Variants in SDK2 observed in about 807,000 individuals in gnomAD.
The protein encoded by SDK2 is sidekick cell adhesion molecule 2, also known as protein sidekick-2.
A neutral mutation model predicts 253.9 loss-of-function variants in SDK2; 105 were observed. The ratio of observed to expected loss-of-function variants is 0.41; its 90% CI spans 0.35 to 0.49. The LOEUF (loss-of-function observed/expected upper bound fraction) is 0.49, where lower values mean the gene tolerates loss of function less well. Ranked by LOEUF, SDK2 falls within the 20% of genes least tolerant of loss-of-function variation. The pLI is 0.06. For synonymous variants in SDK2, 1,249 were observed against 1,234.9 expected (o/e 1.01, Z -0.24); for missense variants, 2,608 against 3,003.0 (o/e 0.87, Z 3.07).
At chr17:73,373,446 C>T (rs1239779090) in intron 36 of SDK2, among the ~76,000 whole-genome samples, 2 of 152,162 alleles carry the variant, frequency 1.3e-5, no homozygotes, top group African/African-American at 4.8e-5. Context: ...ATACCGTTAT[C>T]CATAATGGCT....
At chr17:73,460,058 C>T (rs1264408705) in intron 3 of SDK2, among the ~76,000 whole-genome samples, 1 of 152,178 alleles carries the variant, frequency 6.6e-6, no homozygotes, top group East Asian at 1.9e-4. Context: ...GTCAATTCCC[C>T]TTGAATCTAG....
At chr17:73,433,699 C>G (rs912764665) in intron 10 of SDK2, 33 bp downstream of exon 10, 2 of 1,492,424 alleles carry the variant, frequency 1.3e-6, no homozygotes, top group Non-Finnish European at 1.8e-6. Flanking sequence ...GGCTATCACC[C>G]AGCCACACTC....
chr17:73,435,114 C>T lies in SDK2; in HGVS notation c.1195+336G>A, dbSNP rs1234254136. 1.3e-5 allele frequency among the ~76,000 whole-genome samples: 2 copies of T among 152,204 alleles called. No individual in the cohort carries two copies. The highest frequency in any genetic ancestry group is 4.8e-5 in the African/African-American group (2 of 41,456). On this transcript the variant is annotated intron_variant, in intron 9 of 44. Transcript: ENST00000392650. The surrounding 1 kb of genome is among the most constrained non-coding windows in gnomAD (Gnocchi z 5.7). ...TGGAATGGGGTTACTCCAGCCCTGC[C>T]TGGGAACCCAGGGATAGTCGCAGTG... is the stretch of plus-strand genomic sequence containing the variant.
rs1317223561 is a variant in SDK2 at position 73,550,866 on chromosome 17, C to A, written c.65-43269G>T. ...GGTTGCTGGATCCCAGGGCGAGTCA[C>A]CCGTCCACAGGGAGCTGGAGTCATG... is the stretch of plus-strand genomic sequence containing the variant. On this transcript the variant is annotated intron_variant, in intron 1 of 44. Transcript: ENST00000392650. Among the ~76,000 whole-genome samples the A allele has an allele frequency of 2.0e-5, 3 of 152,106 alleles. No homozygotes were observed. In the East Asian group the frequency reaches 5.8e-4, roughly 29 times the overall value.
At chr17:73,504,827 G>T (rs1194477781) in intron 2 of SDK2, among the ~76,000 whole-genome samples, 2 of 152,122 alleles carry the variant, frequency 1.3e-5, no homozygotes, top group African/African-American at 2.4e-5. Context: ...GACCCTTGAT[G>T]GTCTAGCGGG....
At chr17:73,358,228 G>C in intron 39 of SDK2, 24 bp from the exon 40 acceptor site, 1 of 1,576,276 alleles carries the variant, frequency 6.3e-7, no homozygotes, top group South Asian at 1.2e-5. Flanking sequence ...ACAGAGGCGA[G>C]GGATGTATGG....
chr17:73,581,146 T>C (rs2045529035), intron 1 of SDK2, among the ~76,000 whole-genome samples: 1 of 152,124 alleles, frequency 6.6e-6, no homozygotes, highest in African/African-American at 2.4e-5. Flanking sequence ...CTCCCCAAAG[T>C]GCTGGGATTA....
chr17:73,509,918 A>AAAAAAAAAAAAAAAAAAAAAAAAAAAAAC (rs2063966872), intron 1 of SDK2, among the ~76,000 whole-genome samples: 1 of 146,246 alleles, frequency 6.8e-6, no homozygotes, highest in Non-Finnish European at 1.5e-5. Flanking sequence ...AAAAAAAAAA[A>AAAAAAAAAAAAAAAAAAAAAAAAAAAAAC]AAAAGAAGGA....
rs11347151 is a variant in SDK2, at chr17:73,341,230, C to CTT, written c.6166-2292_6166-2291dup. 4.6e-3 allele frequency among the ~76,000 whole-genome samples: 558 copies of CTT among 120,288 alleles called. 14 individuals carry two copies. The highest frequency in any genetic ancestry group is 0.03 in the South Asian group (110 of 3,648). 78.9% of individuals were successfully genotyped at this position (120,288 alleles called of 152,430 possible). A position where few individuals can be genotyped will look rare whatever the true frequency, so the allele number is the denominator to read the frequency against. ...GATAAAAATATTAAATTATTCCTGA[C>CTT]TTTTTTTTTTTTTTTTTTGACACTT... On this transcript the variant is annotated intron_variant, in intron 44 of 44. Transcript: ENST00000392650.
intron 29 of SDK2, among the ~76,000 whole-genome samples, chr17:73,388,931 T>TCCCCTCCCTTTCCCTTCCCC (rs2062902535): frequency 2.4e-5 from 1 of 42,442 alleles, no homozygotes. Context: ...CCCCCTTCCC[T>TCCCCTCCCTTTCCCTTCCCC]CCCCTCCCTT....
At position 73,644,098 on chromosome 17, in the gene SDK2, C is replaced by A; in HGVS notation, c.-10G>T. The stretch of plus-strand genomic sequence containing the variant: ...TCAAAAGCCCCCACATGGTGACCAG[C>A]CTGGAGAGGGGTCCTCGGGGTCTCC... On this transcript the variant is annotated 5_prime_UTR_variant, in exon 1 of 45. Transcript: ENST00000392650. This position sits in a 1 kb window ranked among gnomAD's most constrained non-coding sequence, Gnocchi z 6.3. 6.4e-7 allele frequency: 1 copy of A among 1,550,588 alleles called. No homozygotes were observed. Among genetic ancestry groups the A allele is most frequent in the South Asian group, 1.2e-5 (1 of 83,912 alleles).
chr17:73,430,331 G>A (rs1366198998), intron 12 of SDK2, among the ~76,000 whole-genome samples, 180 bp downstream of exon 12: 1 of 152,120 alleles, frequency 6.6e-6, no homozygotes, highest in Non-Finnish European at 1.5e-5. Context: ...CTCAGTTCCC[G>A]GGTGTTTATT....
At chr17:73,405,066 GTC>G (rs1167082564) in intron 18 of SDK2, among the ~76,000 whole-genome samples, 4 of 148,338 alleles carry the variant, frequency 2.7e-5, no homozygotes, top group African/African-American at 9.9e-5. Context: ...CAGGTGAAAT[GTC>G]TCCTGTCCCT....
chr17:73,559,598 G>GCGCC (rs2045197534), intron 1 of SDK2, among the ~76,000 whole-genome samples: 2 of 122,178 alleles, frequency 1.6e-5, no homozygotes, highest in Admixed American at 7.9e-5. Context: ...CGCTCCCTGT[G>GCGCC]CCCCCCGCCC....
chr17:73,577,248 C>A (rs2045469873), intron 1 of SDK2, among the ~76,000 whole-genome samples: 1 of 152,212 alleles, frequency 6.6e-6, no homozygotes, highest in Non-Finnish European at 1.5e-5. Context: ...CATAAAGAGA[C>A]CTGTAAAGTC....
intron 1 of SDK2, among the ~76,000 whole-genome samples, chr17:73,567,307 C>T (rs1302634623): frequency 6.6e-6 from 1 of 152,234 alleles, no homozygotes; most frequent in East Asian, 1.9e-4. Context: ...TGCAGGCACA[C>T]AGAATACAAA....
At chr17:73,413,204 C>CCTGT (rs2063153851) in intron 18 of SDK2, among the ~76,000 whole-genome samples, 1 of 152,068 alleles carries the variant, frequency 6.6e-6, no homozygotes, top group South Asian at 2.1e-4. Context: ...CTCACAGGAG[C>CCTGT]GTGAACCCTG....
intron 1 of SDK2, among the ~76,000 whole-genome samples, chr17:73,575,865 G>A (rs1179347829): frequency 6.6e-6 from 1 of 152,186 alleles, no homozygotes; most frequent in Non-Finnish European, 1.5e-5. Flanking sequence ...GAAGGGGCAG[G>A]GCCTGCTCTT....
chr17:73,571,710 G>A (rs1037403248), intron 1 of SDK2, among the ~76,000 whole-genome samples: 6 of 152,206 alleles, frequency 3.9e-5, no homozygotes, highest in South Asian at 2.1e-4. Context: ...TGGAAACACC[G>A]TTTCCCGCCC....
Sources: allele counts gnomAD v4.1 joint callset (sites outside exome capture counted in the v4.1 genomes callset), GRCh38; gene constraint gnomAD v4.1.1; non-coding constraint Gnocchi (gnomAD v3.1); transcripts MANE v1.5; gene names NCBI Gene and HGNC (gene_info 2026-07-23, HGNC 2026-07-21).